The following NRXN1 variants were observed in gnomAD, a reference collection of about 807,000 sequenced individuals.
The protein encoded by NRXN1 is neurexin 1, also known as neurexin-1.
A neutral mutation model predicts 150.9 loss-of-function variants in NRXN1; 39 were observed. The ratio of observed to expected loss-of-function variants is 0.26; its 90% confidence interval spans 0.20 to 0.34. NRXN1 has a LOEUF of 0.34. NRXN1 is among the 10% of genes least tolerant of loss of function. The pLI is 1.00. For missense variants in NRXN1, 1,815 were observed against 1,949.9 expected (o/e 0.93, Z 1.30); for synonymous variants, 924 against 757.0 (o/e 1.22, Z -3.62).
intron 17 of NRXN1, among the ~76,000 whole-genome samples, chr2:50,277,556 C>A (rs1443223804): frequency 6.7e-6 from 1 of 149,086 alleles, no homozygotes; most frequent in Non-Finnish European, 1.5e-5. Context: ...CTCCCTCTTT[C>A]TCTTTCTTTC....
chr2:50,900,488 C>A (rs1456537896), intron 5 of NRXN1, among the ~76,000 whole-genome samples: 1 of 152,114 alleles, frequency 6.6e-6, no homozygotes. Flanking sequence ...AACCCTCTCA[C>A]TTGGGTAAAA....
At chr2:50,549,769 T>C (rs1330924642) in intron 9 of NRXN1, among the ~76,000 whole-genome samples, 1 of 152,216 alleles carries the variant, frequency 6.6e-6, no homozygotes, top group African/African-American at 2.4e-5. Context: ...AAGATTAAAG[T>C]ATTTATCTGA....
At chr2:50,607,860 TTAGA>T (rs1370605021) in intron 8 of NRXN1, among the ~76,000 whole-genome samples, 3 of 152,262 alleles carry the variant, frequency 2.0e-5, no homozygotes, top group African/African-American at 4.8e-5. Context: ...AGCTTATTAC[TTAGA>T]TAGTCAACGC....
At chr2:50,712,649 G>A (rs965007143) in intron 5 of NRXN1, among the ~76,000 whole-genome samples, 1 of 152,030 alleles carries the variant, frequency 6.6e-6, no homozygotes, top group Non-Finnish European at 1.5e-5. Context: ...ATCACAACAG[G>A]GTTCTCACTT....
intron 2 of NRXN1, among the ~76,000 whole-genome samples, chr2:50,971,866 C>T (rs1575092549): frequency 6.6e-6 from 1 of 152,020 alleles, no homozygotes; most frequent in East Asian, 1.9e-4. Flanking sequence ...CTCTCATTTA[C>T]CTTTAAATAG....
At chr2:50,999,030 T>C (rs1359937595) in intron 2 of NRXN1, among the ~76,000 whole-genome samples, 2 of 152,080 alleles carry the variant, frequency 1.3e-5, no homozygotes, top group African/African-American at 2.4e-5. Flanking sequence ...TCGTATCTTG[T>C]TAAAGACTGG....
At chr2:50,835,574 C>T (rs1377688263) in intron 5 of NRXN1, among the ~76,000 whole-genome samples, 2 of 152,120 alleles carry the variant, frequency 1.3e-5, no homozygotes, top group African/African-American at 4.8e-5. Context: ...CATGCCAGCA[C>T]ATGACATTTG....
chr2:49,988,641 C>T (rs958107622), intron 21 of NRXN1, among the ~76,000 whole-genome samples: 30 of 136,176 alleles, frequency 2.2e-4, no homozygotes, highest in African/African-American at 7.9e-4. Flanking sequence ...AAAAAAAAAG[C>T]CCTGAAGCCT....
At chr2:50,829,811 G>T (rs536580845) in intron 5 of NRXN1, 66 of 1,442,180 alleles carry the variant, frequency 4.6e-5, no homozygotes, top group Non-Finnish European at 5.9e-5. Context: ...TTAACTTTTG[G>T]TAACATAATA....
At chr2:50,703,546 G>T (rs1204507796) in intron 5 of NRXN1, among the ~76,000 whole-genome samples, 2 of 152,120 alleles carry the variant, frequency 1.3e-5, no homozygotes, top group East Asian at 3.9e-4. Flanking sequence ...TTCATTTAAA[G>T]TATGTTTTGG....
chr2:50,395,314 T>C (rs551956669), intron 17 of NRXN1, among the ~76,000 whole-genome samples: 13 of 151,650 alleles, frequency 8.6e-5, no homozygotes, highest in African/African-American at 3.1e-4. Flanking sequence ...ATTCTTTACC[T>C]CACATCAAAA....
chr2:50,176,727 A>C (rs979853165), intron 18 of NRXN1, among the ~76,000 whole-genome samples: 2 of 152,162 alleles, frequency 1.3e-5, no homozygotes, highest in African/African-American at 4.8e-5. Flanking sequence ...CATAACATTG[A>C]GAAAACATCA....
At chr2:50,396,589 T>C (rs972925412) in intron 17 of NRXN1, among the ~76,000 whole-genome samples, 5 of 152,134 alleles carry the variant, frequency 3.3e-5, no homozygotes, top group Admixed American at 6.6e-5. Flanking sequence ...AACGAGAACT[T>C]CTTTTTGGTG....
intron 5 of NRXN1, among the ~76,000 whole-genome samples, chr2:50,701,792 T>C (rs947636957): frequency 6.6e-6 from 1 of 152,138 alleles, no homozygotes; most frequent in Non-Finnish European, 1.5e-5. Context: ...CTGTTATAAT[T>C]TATCATCTAC....
At chr2:50,203,562 G>T (rs987619452) in intron 18 of NRXN1, among the ~76,000 whole-genome samples, 20 of 151,986 alleles carry the variant, frequency 1.3e-4, no homozygotes, top group African/African-American at 4.6e-4. Flanking sequence ...CTCCACACAG[G>T]TATAATCATA....
intron 19 of NRXN1, among the ~76,000 whole-genome samples, chr2:50,090,714 C>T (rs1054117185): frequency 8.5e-5 from 13 of 152,166 alleles, no homozygotes; most frequent in African/African-American, 3.1e-4. Context: ...ATTTTATAGA[C>T]TTAAAATGAG....
chr2:50,896,846 C>CA (rs11303142), intron 5 of NRXN1, among the ~76,000 whole-genome samples: 7,264 of 128,146 alleles, frequency 0.057, 338 homozygotes, highest in African/African-American at 0.14. Flanking sequence ...GATTCTGTCT[C>CA]AAAAAAAAAA....
intron 9 of NRXN1, among the ~76,000 whole-genome samples, chr2:50,549,532 C>G (rs1438383634): frequency 6.6e-6 from 1 of 152,146 alleles, no homozygotes; most frequent in African/African-American, 2.4e-5. Flanking sequence ...CCACTGGATT[C>G]AAAGAAAAAT....
At chr2:50,149,636 C>G (rs1480313463) in intron 18 of NRXN1, among the ~76,000 whole-genome samples, 1 of 151,614 alleles carries the variant, frequency 6.6e-6, no homozygotes, top group Non-Finnish European at 1.5e-5. Flanking sequence ...TCCTCCTTAC[C>G]CAGCTAGCTT....
Sources: allele counts gnomAD v4.1 joint callset (sites outside exome capture counted in the v4.1 genomes callset), GRCh38; gene constraint gnomAD v4.1.1; transcripts MANE v1.5; gene names NCBI Gene and HGNC (gene_info 2026-07-23, HGNC 2026-07-21).